RTBDN: variants seen among roughly 807,000 people sequenced by gnomAD.
The protein encoded by RTBDN is retbindin.
In RTBDN, 24 loss-of-function variants were observed where a neutral mutation model predicts 21.9. The observed-to-expected ratio is 1.10, with a 90% confidence interval of 0.79 to 1.54. RTBDN has a LOEUF of 1.54. RTBDN is among the 40% of genes most tolerant of loss of function. RTBDN has a pLI of 0.00. For missense variants in RTBDN, 325 were observed against 315.2 expected, an observed-to-expected ratio of 1.03 and a Z score of -0.23; for synonymous variants, 141 against 125.9, an observed-to-expected ratio of 1.12 and a Z score of -0.80.
chr19:12,833,476 G>A (rs189822196), intron 1 of RTBDN, among the ~76,000 whole-genome samples: 8 of 152,100 alleles, frequency 5.3e-5, no homozygotes, highest in African/African-American at 1.4e-4. Context: ...GATTTTCAGG[G>A]TTGGGGGAGT....
At position 12,825,664 on chromosome 19, in the gene RTBDN, C is replaced by T. The variant is rs1447742460; in HGVS notation, c.*42G>A. 6.5e-7 allele frequency: 1 copy of T among 1,537,408 alleles called. No homozygotes were observed. Among genetic ancestry groups the T allele is most frequent in the Admixed American group, 2.0e-5 (1 of 50,214 alleles). ...GTTCTGGGTGTCCTGAGGGGCGGGG[C>T]TGGGGGAAGGGTCGCTCCCCCAACT... On this transcript the variant is annotated 3_prime_UTR_variant, in exon 6 of 6. Transcript: ENST00000674343.
chr19:12,826,258 T>G (rs1599547213), intron 5 of RTBDN: 1 of 1,259,610 alleles, frequency 7.9e-7, no homozygotes, highest in East Asian at 4.4e-5. Context: ...GCAGGAATGG[T>G]TTCTTGGGAA....
intron 1 of RTBDN, among the ~76,000 whole-genome samples, chr19:12,833,559 G>T (rs575256523): frequency 3.3e-5 from 5 of 152,194 alleles, no homozygotes; most frequent in Admixed American, 6.5e-5. Flanking sequence ...GGGTCTCTGG[G>T]GGATGAATGT....
intron 4 of RTBDN, among the ~76,000 whole-genome samples, chr19:12,827,448 G>A (rs555171750): frequency 3.4e-4 from 50 of 149,170 alleles, no homozygotes; most frequent in African/African-American, 1.1e-3. Context: ...TCAGCCTCCC[G>A]AGTAGCTGGG....
chr19:12,835,103 A>G, upstream of RTBDN: 1 of 1,612,976 alleles, frequency 6.2e-7, no homozygotes, highest in Non-Finnish European at 8.5e-7. Context: ...GTCCATTTCT[A>G]GACTCCCCTA....
At chr19:12,827,215 G>T (rs922577658) in intron 4 of RTBDN, among the ~76,000 whole-genome samples, 1 of 151,768 alleles carries the variant, frequency 6.6e-6, no homozygotes, top group Non-Finnish European at 1.5e-5. Context: ...GTGCAGTGGC[G>T]TAAGCATGGC....
At position 12,826,809 on chromosome 19, in the gene RTBDN, C is replaced by T; in HGVS notation, c.428G>A (p.Arg143Lys). ...GPTWLPLSEK[R>K]GCEPSCLTYG... is the part of the protein sequence containing the mutation. ...GGTAAGGCAGCTGGGCTCACAGCCC[C>T]TTTTTTCTGAGAGTGGGAGCCAAGT... is the stretch of plus-strand genomic sequence containing the variant. Residue 143 changes from arginine (R) to lysine (K), a missense_variant, in exon 5 of 6, where the codon AGG becomes AAG. Arg to Lys is a conservative substitution (Grantham distance 26). Coordinates refer to ENST00000674343, the MANE Select transcript of RTBDN (RefSeq NM_001270441.2). The T allele has an allele frequency of 6.4e-7, 1 of 1,555,244 alleles. No homozygotes were observed. The highest frequency in any genetic ancestry group is 8.7e-7 in the Non-Finnish European group (1 of 1,149,590).
At chr19:12,829,298 T>C (rs1300405933) in intron 2 of RTBDN, among the ~76,000 whole-genome samples, 1 of 151,774 alleles carries the variant, frequency 6.6e-6, no homozygotes, top group Non-Finnish European at 1.5e-5. Flanking sequence ...ACCTCCCAGG[T>C]TCAAACAATT....
In RTBDN at chr19:12,828,775, T is replaced by C. The variant is rs1187410405; in HGVS notation, c.255-8A>G. 1.9e-6 allele frequency: 3 copies of C among 1,613,972 alleles called. No individual in the cohort carries two copies. Among genetic ancestry groups the C allele is most frequent in the East Asian group, 2.2e-5 (1 of 44,870 alleles). On this transcript the variant is annotated splice_region_variant and splice_polypyrimidine_tract_variant and intron_variant, in intron 3 of 5. Transcript: ENST00000674343. ...TCCAGGAAGGATTCGCATCTGGACG[T>C]TGGGAGAGATAGGGTCGGATGGGTC...
In RTBDN at chr19:12,825,857, T is replaced by C. The variant is rs759558993; in HGVS notation, c.539A>G (p.His180Arg). ...ALPVAAPGAR[H>R]CFNISISAVP... ...CGCGGAGATGGAGATGTTGAAGCAG[T>C]GACGGGCTCCAGGAGCAGCCACCGG... The change falls in exon 6 of 6, where the codon CAC (histidine) becomes CGC (arginine). Residue 180 changes from histidine (H) to arginine (R), a missense_variant. By Grantham distance (29) the His-to-Arg change is conservative. Transcript: ENST00000674343. 2 of 1,613,414 alleles carry C rather than the reference T, an allele frequency of 1.2e-6. No individual in the cohort carries two copies. Among genetic ancestry groups the C allele is most frequent in the Admixed American group, 3.3e-5 (2 of 59,970 alleles).
upstream of RTBDN, chr19:12,834,637 A>G (rs1172435676): frequency 2.0e-6 from 3 of 1,515,660 alleles, no homozygotes; most frequent in African/African-American, 4.1e-5. The surrounding 1 kb of genome is among the most constrained non-coding windows in gnomAD (Gnocchi z 4.7). Context: ...GGCGGGAGCG[A>G]TTTTTAGCTC....
chr19:12,834,192 G>A lies in RTBDN; in HGVS notation c.-19+297C>T, dbSNP rs892969218. Among the ~76,000 whole-genome samples the A allele has an allele frequency of 2.0e-5, 3 of 152,114 alleles. No homozygotes were observed. Among genetic ancestry groups the A allele is most frequent in the African/African-American group, 7.2e-5 (3 of 41,444 alleles). On this transcript the variant is annotated intron_variant, in intron 1 of 5. Transcript: ENST00000674343. The surrounding 1 kb of genome is among the most constrained non-coding windows in gnomAD (Gnocchi z 4.7). Reference sequence around the variant, plus strand: ...GCGCTGGGGACCCCGCCCCTCAGGCGCCGCCCGGCGATCCAGGGAGCTGCC... The same window carrying A: ...GCGCTGGGGACCCCGCCCCTCAGGCACCGCCCGGCGATCCAGGGAGCTGCC...
rs767502330 is a variant in RTBDN at position 12,829,800 on chromosome 19, G to GGGGTGCTCACCTGCC, written c.165_169+10dup. 3.1e-6 allele frequency: 5 copies of GGGGTGCTCACCTGCC among 1,604,934 alleles called. No homozygotes were observed. Among genetic ancestry groups the GGGGTGCTCACCTGCC allele is most frequent in the Non-Finnish European group, 4.3e-6 (5 of 1,172,718 alleles). ...GGGTGTTGGTGGTGAGGCAGGGTCT[G>GGGGTGCTCACCTGCC]GGGTGCTCACCTGCCAGGTGCAGCT... On this transcript the variant is annotated intron_variant, in intron 2 of 5. Coordinates refer to ENST00000674343, the MANE Select transcript of RTBDN (RefSeq NM_001270441.2).
rs535231357 is a variant in RTBDN at position 12,826,593 on chromosome 19, T to C, written c.462+182A>G. On this transcript the variant is annotated intron_variant, in intron 5 of 5. Transcript: ENST00000674343. ...CCTGAAATCCCAGCTATTCGGGAGG[T>C]TGCGGCAGGAGAATCACTTGAACCC... 3.8e-4 allele frequency: 268 copies of C among 700,218 alleles called. 4 individuals carry two copies. In the African/African-American group the frequency reaches 4.3e-3, roughly 11 times the overall value. The allele number at this position is 700,218 out of a possible 1,614,324, so 43.4% of individuals were successfully genotyped here. A position where few individuals can be genotyped will look rare whatever the true frequency, so the allele number is the denominator to read the frequency against.
At chr19:12,835,280 G>A (rs1434112212), upstream of RTBDN, 4 of 638,136 alleles carry the variant, frequency 6.3e-6, no homozygotes, top group African/African-American at 1.8e-5. Context: ...CCCGATCTCC[G>A]GAGCCTAGGC....
Position 12,834,034 on chromosome 19 carries a change from A to C in RTBDN, c.-19+455T>G. 1 of 398,156 alleles carries C rather than the reference A, an allele frequency of 2.5e-6. No individual in the cohort carries two copies. The highest frequency in any genetic ancestry group is 4.4e-6 in the Non-Finnish European group (1 of 225,810). 24.7% of individuals were successfully genotyped at this position (398,156 alleles called of 1,614,324 possible). On this transcript the variant is annotated intron_variant, in intron 1 of 5. Coordinates refer to ENST00000674343, the MANE Select transcript of RTBDN (RefSeq NM_001270441.2). The surrounding 1 kb of genome is among the most constrained non-coding windows in gnomAD (Gnocchi z 4.7). ...ACGCGGCTGCCTGGGCCCCGGGTGG[A>C]GAGGAAGGGGTCGGCGCCCTGGGGC...
At position 12,834,243 on chromosome 19, in the gene RTBDN, C is replaced by A. The variant is rs1030228049; in HGVS notation, c.-19+246G>T. On this transcript the variant is annotated intron_variant, in intron 1 of 5. Coordinates refer to ENST00000674343, the MANE Select transcript of RTBDN (RefSeq NM_001270441.2). This position sits in a 1 kb window ranked among gnomAD's most constrained non-coding sequence, Gnocchi z 4.7. Reference sequence around the variant, plus strand: ...GGAGGGGTGCAGCCTAGCGCTCCCCCTCGAGGATCGCCTGAGGGGCGCCTG... The same window carrying A: ...GGAGGGGTGCAGCCTAGCGCTCCCCATCGAGGATCGCCTGAGGGGCGCCTG... Among the ~76,000 whole-genome samples the A allele has an allele frequency of 6.6e-6, 1 of 152,088 alleles. No homozygotes were observed. The highest frequency in any genetic ancestry group is 6.5e-5 in the Admixed American group (1 of 15,288).
chr19:12,834,944 T>TG, upstream of RTBDN: 1 of 1,553,974 alleles, frequency 6.4e-7, no homozygotes, highest in Non-Finnish European at 8.9e-7. The surrounding 1 kb of genome is among the most constrained non-coding windows in gnomAD (Gnocchi z 4.7). Context: ...AGGCCCTGCC[T>TG]GGGGTCTGGC....
chr19:12,827,008 A>T, intron 4 of RTBDN, 137 bp from the exon 5 acceptor site: 2 of 652,362 alleles, frequency 3.1e-6, no homozygotes, highest in Non-Finnish European at 5.6e-6. Flanking sequence ...TCCCCTGCTA[A>T]CTAACCCCAT....
Sources: allele counts gnomAD v4.1 joint callset (sites outside exome capture counted in the v4.1 genomes callset), GRCh38; gene constraint gnomAD v4.1.1; non-coding constraint Gnocchi (gnomAD v3.1); transcripts MANE v1.5; gene names NCBI Gene and HGNC (gene_info 2026-07-23, HGNC 2026-07-21).